ITSN1: variants seen among roughly 807,000 people sequenced by gnomAD.
ITSN1 encodes the protein intersectin-1.
In ITSN1, 58 loss-of-function variants were observed where a neutral mutation model predicts 239.8. The ratio of observed to expected loss-of-function variants is 0.24; its 90% confidence interval spans 0.20 to 0.30. ITSN1 has a LOEUF of 0.30. ITSN1 is among the 10% of genes least tolerant of loss of function. The pLI, the probability that ITSN1 is intolerant of heterozygous loss-of-function variation, is 1.00. For missense variants in ITSN1, 1,558 were observed against 2,103.3 expected, an observed-to-expected ratio of 0.74 and a Z score of 5.07; for synonymous variants, 780 against 770.8, an observed-to-expected ratio of 1.01 and a Z score of -0.20.
chr21:33,812,211 C>G (rs147373344), intron 21 of ITSN1, among the ~76,000 whole-genome samples: 1 of 152,218 alleles, frequency 6.6e-6, no homozygotes, highest in East Asian at 1.9e-4. Context: ...CTCTTTTGGT[C>G]TTGACTGAAA....
chr21:33,814,791 CAG>C (rs757289476), intron 22 of ITSN1, among the ~76,000 whole-genome samples: 2 of 152,074 alleles, frequency 1.3e-5, no homozygotes, highest in Non-Finnish European at 2.9e-5. Context: ...TGCCACCAGT[CAG>C]GGGGCTGTTG....
chr21:33,863,241 C>G (rs1980961349), intron 31 of ITSN1, among the ~76,000 whole-genome samples: 1 of 152,226 alleles, frequency 6.6e-6, no homozygotes, highest in South Asian at 2.1e-4. Flanking sequence ...TTGGGTAACT[C>G]TGTTCTACAA....
At chr21:33,858,424 T>C (rs570203416) in intron 30 of ITSN1, among the ~76,000 whole-genome samples, 1 of 152,292 alleles carries the variant, frequency 6.6e-6, no homozygotes, top group East Asian at 1.9e-4. Context: ...CTGGTGGAGT[T>C]AAGACCTGTC....
In ITSN1 at chr21:33,886,404, T is replaced by A; in HGVS notation, c.4961T>A (p.Leu1654Gln). Reference sequence around the variant, plus strand: ...AACTGCCAGTTCTTCATCCGAGACCTGGAGCAGGAAGTCCTCTGCATCACT... The same window carrying A: ...AACTGCCAGTTCTTCATCCGAGACCAGGAGCAGGAAGTCCTCTGCATCACT... ...NSNCQFFIRD[L>Q]EQEVLCITVF... Residue 1654 changes from leucine (L) to glutamine (Q), a missense_variant, in exon 39 of 40, where the codon CTG (leucine) becomes CAG (glutamine). Coordinates refer to ENST00000381318, the MANE Select transcript of ITSN1 (RefSeq NM_003024.3). 2 of 1,613,232 alleles carry A rather than the reference T, an allele frequency of 1.2e-6. No individual in the cohort carries two copies. Among genetic ancestry groups the A allele is most frequent in the Non-Finnish European group, 1.7e-6 (2 of 1,179,584 alleles).
Position 33,865,029 on chromosome 21 carries a change from T to C in ITSN1, c.3891-122T>C. ...CTCCATTCCTTGTCTCCCAAATAGA[T>C]CCTTTAGTGGCCCTTAAGGCTGTGC... is the stretch of plus-strand genomic sequence containing the variant. On this transcript the variant is annotated intron_variant, in intron 31 of 39. Transcript: ENST00000381318. The surrounding 1 kb of genome is among the most constrained non-coding windows in gnomAD (Gnocchi z 4.4). 1.2e-6 allele frequency: 1 copy of C among 842,574 alleles called. No homozygotes were observed. The highest frequency in any genetic ancestry group is 1.8e-6 in the Non-Finnish European group (1 of 564,266). The allele number at this position is 842,574 out of a possible 1,614,324, so 52.2% of individuals were successfully genotyped here.
At chr21:33,866,962 G>A (rs993110976) in intron 32 of ITSN1, among the ~76,000 whole-genome samples, 2 of 136,090 alleles carry the variant, frequency 1.5e-5, no homozygotes, top group African/African-American at 5.1e-5. Context: ...CTGTGCATAA[G>A]GAACCATGCA....
chr21:33,676,541 C>G (rs766127190), intron 1 of ITSN1, among the ~76,000 whole-genome samples: 1 of 152,190 alleles, frequency 6.6e-6, no homozygotes, highest in Non-Finnish European at 1.5e-5. Context: ...GCCACACTTC[C>G]ATGATTTCAT....
At position 33,752,824 on chromosome 21, in the gene ITSN1, TAA is replaced by T. The variant is rs374308030; in HGVS notation, c.623+932_623+933del. On this transcript the variant is annotated intron_variant, in intron 7 of 39. Transcript: ENST00000381318. The stretch of plus-strand genomic sequence containing the variant: ...GCACTCTTGCCTGGGTGAGCCTGCC[TAA>T]AAAAAAAAAAAAAGCTTTTGGAATT... Among the ~76,000 whole-genome samples, 688 of 127,126 alleles carry T rather than the reference TAA, an allele frequency of 5.4e-3. 4 individuals carry two copies. The highest frequency in any genetic ancestry group is 0.017 in the African/African-American group (638 of 37,042). The allele number at this position is 127,126 out of a possible 152,430, so 83.4% of individuals were successfully genotyped here.
chr21:33,885,953 T>TC (rs892566386), intron 38 of ITSN1, among the ~76,000 whole-genome samples: 4 of 137,248 alleles, frequency 2.9e-5, no homozygotes, highest in African/African-American at 1.5e-4. Context: ...ACACCTGTAA[T>TC]CCCAGTGCTT....
chr21:33,895,409 G>C lies in ITSN1; in HGVS notation c.*7109G>C, dbSNP rs1986649712. 6.7e-6 allele frequency: 1 copy of C among 150,276 alleles called. No individual in the cohort carries two copies. Among genetic ancestry groups the C allele is most frequent in the African/African-American group, 2.4e-5 (1 of 41,086 alleles). 9.3% of individuals were successfully genotyped at this position (150,276 alleles called of 1,614,324 possible). A position where few individuals can be genotyped will look rare whatever the true frequency, so the allele number is the denominator to read the frequency against. On this transcript the variant is annotated 3_prime_UTR_variant, in exon 40 of 40. Coordinates refer to ENST00000381318, the MANE Select transcript of ITSN1 (RefSeq NM_003024.3). ...GACGCAGCAGCTCAGTGCGTGGTGT[G>C]TGCATGCGTGTTTGTGCGTGCGTGT... is the stretch of plus-strand genomic sequence containing the variant.
At chr21:33,643,369 C>T (rs1052079007) in intron 1 of ITSN1, 2 of 152,248 alleles carry the variant, frequency 1.3e-5, no homozygotes, top group African/African-American at 4.8e-5. Context: ...CCTTCTTACG[C>T]ACCGACACGG....
chr21:33,833,396 C>T (rs2148386140), intron 27 of ITSN1, among the ~76,000 whole-genome samples: 1 of 152,298 alleles, frequency 6.6e-6, no homozygotes, highest in East Asian at 1.9e-4. Flanking sequence ...CATCTTGCAT[C>T]TAAGGATGTA....
intron 1 of ITSN1, among the ~76,000 whole-genome samples, chr21:33,687,398 TAAAAAAAAAAAAAAA>T (rs58230508): frequency 4.9e-5 from 4 of 81,342 alleles, no homozygotes; most frequent in East Asian, 5.1e-4. Context: ...AACTCCATCT[TAAAAAAAAAAAAAAA>T]AAAAAAAAAA....
Position 33,773,982 on chromosome 21 carries a change from G to A in ITSN1, c.1306-747G>A, listed in dbSNP as rs116049453. Among the ~76,000 whole-genome samples the A allele has an allele frequency of 5.1e-4, 78 of 152,206 alleles. No homozygotes were observed. The South Asian group carries it at 0.016, about 31-fold the overall frequency. ...AGCGTGAGCCACTGCGCCCGGCCCC[G>A]TAACTCCTTTTTGTTCAGACAGACA... On this transcript the variant is annotated intron_variant, in intron 12 of 39. Transcript: ENST00000381318.
intron 20 of ITSN1, among the ~76,000 whole-genome samples, chr21:33,802,927 G>A (rs1263465276): frequency 6.6e-6 from 1 of 152,116 alleles, no homozygotes; most frequent in East Asian, 1.9e-4. Context: ...TGAGACCAAG[G>A]GTTACATAAA....
chr21:33,827,314 C>A (rs898146476), intron 26 of ITSN1, among the ~76,000 whole-genome samples: 4 of 152,152 alleles, frequency 2.6e-5, no homozygotes, highest in Non-Finnish European at 5.9e-5. Context: ...GCAGGGGAAT[C>A]ACTTGAACCC....
At chr21:33,645,704 C>T (rs541363893) in intron 1 of ITSN1, among the ~76,000 whole-genome samples, 1 of 152,132 alleles carries the variant, frequency 6.6e-6, no homozygotes, top group Non-Finnish European at 1.5e-5. Context: ...GTTTCTGTCA[C>T]CTCGCTTCAG....
intron 12 of ITSN1, 74 bp from the exon 13 acceptor site, chr21:33,774,655 T>A: frequency 1.4e-6 from 2 of 1,410,898 alleles, no homozygotes; most frequent in East Asian, 4.7e-5. Flanking sequence ...ACTTCCTAGA[T>A]GCCATTTTTG....
Position 33,852,623 on chromosome 21 carries a change from C to G in ITSN1, c.3662-4113C>G, listed in dbSNP as rs1978532118. On this transcript the variant is annotated intron_variant, in intron 29 of 39. Coordinates refer to ENST00000381318, the MANE Select transcript of ITSN1 (RefSeq NM_003024.3). Reference sequence around the variant, plus strand: ...ATCTCTCTCCATTTCGTAAATGTGTCTAACTAGGCAACATCTAAGGGACGG... The same window carrying G: ...ATCTCTCTCCATTTCGTAAATGTGTGTAACTAGGCAACATCTAAGGGACGG... Among the ~76,000 whole-genome samples the G allele has an allele frequency of 2.0e-5, 3 of 152,124 alleles. No individual in the cohort carries two copies. In the South Asian group the frequency reaches 6.2e-4, roughly 32 times the overall value.
Sources: gnomAD v4.1 joint callset for allele counts (sites outside exome capture counted in the v4.1 genomes callset) on GRCh38, gnomAD v4.1.1 for gene constraint, Gnocchi (gnomAD v3.1) non-coding constraint, MANE v1.5 for transcripts, NCBI Gene and HGNC (gene_info 2026-07-23, HGNC 2026-07-21) for gene names.